The following MYO10 variants were observed in gnomAD, a reference collection of about 807,000 sequenced individuals.
MYO10 encodes myosin X, also known as unconventional myosin-X.
Under a neutral mutation model 257.3 loss-of-function variants are expected in MYO10, and 133 were observed. The ratio of observed to expected loss-of-function variants is 0.52; its 90% confidence interval spans 0.45 to 0.60. MYO10 has a LOEUF of 0.60. Among genes scored for constraint, MYO10 ranks in the 20% least tolerant of loss-of-function variants. The probability of loss-of-function intolerance (pLI) is 0.00; values close to 1 mark genes in which losing one functional copy is unlikely to be tolerated. For synonymous variants in MYO10, 1,104 were observed against 1,028.6 expected, an observed-to-expected ratio of 1.07 and a Z score of -1.40; for missense variants, 2,399 against 2,635.7, an observed-to-expected ratio of 0.91 and a Z score of 1.97.
chr5:16,667,805 A>G (rs952815783), intron 40 of MYO10, among the ~76,000 whole-genome samples: 4 of 152,016 alleles, frequency 2.6e-5, no homozygotes, highest in African/African-American at 9.7e-5. Context: ...GGTAGCACAT[A>G]TATTTAGAGG....
rs1579998755 is a variant in MYO10 at position 16,794,785 on chromosome 5, C to T, written c.328G>A (p.Ala110Thr). The T allele has an allele frequency of 3.1e-6, 5 of 1,598,958 alleles. No individual in the cohort carries two copies. The highest frequency in any genetic ancestry group is 1.1e-5 in the South Asian group (1 of 88,708). Residue 110 changes from alanine to threonine, a missense_variant, in exon 4 of 41, where the codon GCC (alanine) becomes ACC (threonine). By Grantham distance (58) the Ala-to-Thr change is moderately conservative. This residue lies in a region of MYO10 where 242 missense variants were observed against 249.5 expected (regional missense o/e 0.97). Transcript: ENST00000513610. ...ATGGTGGCAGGCTCGTACAGCCCGG[C>T]GATGGGCTGGTAGGGGTTCACGGAG... Reference protein sequence around the residue: ...LASVNPYQPIAGLYEPATMEQ... With the variant: ...LASVNPYQPITGLYEPATMEQ...
At chr5:16,884,507 T>C (rs573871618) in intron 1 of MYO10, among the ~76,000 whole-genome samples, 1 of 152,296 alleles carries the variant, frequency 6.6e-6, no homozygotes, top group Admixed American at 6.5e-5. Context: ...GTTTTCCTCT[T>C]TTTGCCTGCA....
At chr5:16,917,737 G>C (rs1302783838) in intron 1 of MYO10, among the ~76,000 whole-genome samples, 1 of 151,828 alleles carries the variant, frequency 6.6e-6, no homozygotes, top group Non-Finnish European at 1.5e-5. Flanking sequence ...AGATGGGCAT[G>C]GTGGCACACA....
intron 19 of MYO10, among the ~76,000 whole-genome samples, chr5:16,720,425 ATTTT>A (rs1233074702): frequency 7.2e-5 from 11 of 151,996 alleles, no homozygotes; most frequent in Non-Finnish European, 1.5e-4. Flanking sequence ...CCACTATTTT[ATTTT>A]TATTTTATTT....
intron 9 of MYO10, among the ~76,000 whole-genome samples, chr5:16,776,760 C>T (rs1301134530): frequency 6.6e-6 from 1 of 152,184 alleles, no homozygotes; most frequent in Admixed American, 6.5e-5. Context: ...CGAGAGAACA[C>T]AGAGTACCAA....
At position 16,727,106 on chromosome 5, in the gene MYO10, C is replaced by G. The variant is rs192145607; in HGVS notation, c.1930-15861G>C. Among the ~76,000 whole-genome samples the G allele has an allele frequency of 3.4e-3, 520 of 152,204 alleles. 3 individuals are homozygous for G. The highest frequency in any genetic ancestry group is 3.5e-3 in the Non-Finnish European group (239 of 68,026). On this transcript the variant is annotated intron_variant, in intron 19 of 40. Coordinates refer to ENST00000513610, the MANE Select transcript of MYO10 (RefSeq NM_012334.3). Reference sequence around the variant, plus strand: ...TGAAAAAATAAAGTATCTCATTAATCATTTTGAAATTTATTACATGTTGAA... The same window carrying G: ...TGAAAAAATAAAGTATCTCATTAATGATTTTGAAATTTATTACATGTTGAA...
intron 1 of MYO10, among the ~76,000 whole-genome samples, chr5:16,917,889 T>C (rs1745869253): frequency 6.6e-6 from 1 of 152,064 alleles, no homozygotes; most frequent in Non-Finnish European, 1.5e-5. Context: ...AAAAAAGTAA[T>C]TCTAACCTAT....
chr5:16,929,175 C>G (rs2650462), intron 1 of MYO10, among the ~76,000 whole-genome samples: 71,273 of 151,358 alleles, frequency 0.47, 17,106 homozygotes, highest in African/African-American at 0.53. Context: ...GGATGGTCTC[C>G]ATCTCCTGAC....
At chr5:16,743,139 G>A (rs547638137) in intron 19 of MYO10, among the ~76,000 whole-genome samples, 1 of 152,172 alleles carries the variant, frequency 6.6e-6, no homozygotes, top group South Asian at 2.1e-4. Flanking sequence ...ACACCAGGAA[G>A]GATTATGGAA....
At chr5:16,788,962 A>G (rs1741672892) in intron 4 of MYO10, among the ~76,000 whole-genome samples, 1 of 152,190 alleles carries the variant, frequency 6.6e-6, no homozygotes, top group African/African-American at 2.4e-5. Context: ...AGATGCAGCA[A>G]TGTCCTCGGG....
chr5:16,812,558 T>A (rs1462022844), intron 3 of MYO10, among the ~76,000 whole-genome samples: 1 of 152,208 alleles, frequency 6.6e-6, no homozygotes, highest in Non-Finnish European at 1.5e-5. Flanking sequence ...GGCCATGTGC[T>A]GTGAGCTGGC....
At position 16,709,900 on chromosome 5, in the gene MYO10, T is replaced by TAC. The variant is rs1554037897; in HGVS notation, c.2169+1007_2169+1008insGT. On this transcript the variant is annotated intron_variant, in intron 21 of 40. Coordinates refer to ENST00000513610, the MANE Select transcript of MYO10 (RefSeq NM_012334.3). ...AAATTTCCCTAGAGCAGGGAGGTAG[T>TAC]AGGTCCATCATGACTTTCCCTTGCT... is the stretch of plus-strand genomic sequence containing the variant. 3.9e-5 allele frequency among the ~76,000 whole-genome samples: 6 copies of TAC among 152,002 alleles called. No homozygotes were observed. In the East Asian group the frequency reaches 1.2e-3, roughly 30 times the overall value.
In MYO10 at chr5:16,675,032, T is replaced by G; in HGVS notation, c.4785A>C (p.Thr1595=). Residue 1595 remains threonine, a synonymous_variant, in exon 35 of 41, where the codon ACA becomes ACC. Transcript: ENST00000513610. ...CCCGCAGAGGTCGCAGGTCATGCCC[T>G]GTCTGTAGGATGCCCTGGATTATTG... The part of the protein sequence containing the change: ...PIPIIQGILQ[T]GHDLRPLRDE... The G allele has an allele frequency of 6.2e-7, 1 of 1,613,992 alleles. No individual in the cohort carries two copies. The highest frequency in any genetic ancestry group is 8.5e-7 in the Non-Finnish European group (1 of 1,179,894).
At chr5:16,700,302 C>T (rs965422201) in intron 25 of MYO10, among the ~76,000 whole-genome samples, 5 of 152,014 alleles carry the variant, frequency 3.3e-5, no homozygotes, top group South Asian at 2.1e-4. Context: ...TAACGCAGCA[C>T]GGCAAAGCTA....
chr5:16,745,111 G>A (rs373853385), intron 19 of MYO10, among the ~76,000 whole-genome samples: 5 of 151,290 alleles, frequency 3.3e-5, no homozygotes, highest in East Asian at 2.0e-4. Context: ...AGGCAGAGGC[G>A]TGTGGATCAC....
chr5:16,803,053 C>T (rs559104636), intron 3 of MYO10, among the ~76,000 whole-genome samples: 17 of 151,554 alleles, frequency 1.1e-4, no homozygotes, highest in African/African-American at 3.1e-4. Flanking sequence ...TTCAGTGAGC[C>T]GTGATTGCAT....
intron 1 of MYO10, among the ~76,000 whole-genome samples, chr5:16,903,352 C>A (rs1487462006): frequency 6.6e-6 from 1 of 152,150 alleles, no homozygotes; most frequent in African/African-American, 2.4e-5. Flanking sequence ...TTGCATGCAG[C>A]GAGCTGAGAT....
intron 1 of MYO10, among the ~76,000 whole-genome samples, chr5:16,929,028 C>G (rs1455337729): frequency 2.0e-5 from 3 of 151,270 alleles, no homozygotes; most frequent in Non-Finnish European, 4.4e-5. Flanking sequence ...TCTCAGCTCA[C>G]TGCAAGCTCC....
At chr5:16,783,197 G>C in intron 5 of MYO10, 138 bp downstream of exon 5, 1 of 876,294 alleles carries the variant, frequency 1.1e-6, no homozygotes, top group Non-Finnish European at 1.7e-6. Context: ...TGCATGGCAA[G>C]ACCTTTTCTT....
Sources: allele counts gnomAD v4.1 joint callset (sites outside exome capture counted in the v4.1 genomes callset), GRCh38; gene constraint gnomAD v4.1.1; regional missense constraint gnomAD v4.1.1; transcripts MANE v1.5; gene names NCBI Gene and HGNC (gene_info 2026-07-23, HGNC 2026-07-21).